The following LY86 variants were observed in gnomAD, a reference collection of about 807,000 sequenced individuals.
LY86 encodes the protein lymphocyte antigen 86.
LY86 carries 20 observed loss-of-function variants against 17.3 expected under a neutral mutation model. That is an observed-to-expected ratio of 1.15 (90% CI 0.81 to 1.68). The LOEUF (loss-of-function observed/expected upper bound fraction) is 1.68, where lower values mean the gene tolerates loss of function less well. Ranked by LOEUF, LY86 falls within the 40% of genes most tolerant of loss-of-function variation. The pLI is 0.00. For synonymous variants in LY86, 74 were observed against 70.6 expected (o/e 1.05, Z -0.24); for missense variants, 200 against 191.9 (o/e 1.04, Z -0.25).
At chr6:6,593,350 C>T (rs1490507104) in intron 1 of LY86, among the ~76,000 whole-genome samples, 1 of 152,222 alleles carries the variant, frequency 6.6e-6, no homozygotes, top group Non-Finnish European at 1.5e-5. Flanking sequence ...CTGTAAGGAC[C>T]CTTGTGATTA....
intron 1 of LY86, among the ~76,000 whole-genome samples, chr6:6,599,989 A>G (rs1760848047): frequency 6.6e-6 from 1 of 152,090 alleles, no homozygotes; most frequent in African/African-American, 2.4e-5. Flanking sequence ...AGCACAAAGG[A>G]TCCTCTCACT....
chr6:6,606,556 G>A (rs575768364), intron 1 of LY86, among the ~76,000 whole-genome samples: 49 of 152,286 alleles, frequency 3.2e-4, no homozygotes, highest in African/African-American at 8.9e-4. Context: ...GGGCGGCACA[G>A]GAGCCCACGG....
intron 1 of LY86, among the ~76,000 whole-genome samples, chr6:6,623,089 G>T (rs1398522885): frequency 6.6e-6 from 1 of 152,192 alleles, no homozygotes; most frequent in Non-Finnish European, 1.5e-5. Context: ...GCAGGTCTGG[G>T]TGCTGTCAGG....
At chr6:6,600,031 C>T (rs1255597573) in intron 1 of LY86, among the ~76,000 whole-genome samples, 3 of 152,204 alleles carry the variant, frequency 2.0e-5, no homozygotes, top group Non-Finnish European at 2.9e-5. Context: ...AATTTCCCCA[C>T]GTCCTGTTTT....
intron 3 of LY86, among the ~76,000 whole-genome samples, chr6:6,647,352 T>C (rs1045559636): frequency 1.3e-5 from 2 of 152,246 alleles, no homozygotes; most frequent in African/African-American, 4.8e-5. Flanking sequence ...ATCTCCCATC[T>C]CGAACAAAGA....
At chr6:6,618,015 G>A (rs1761593757) in intron 1 of LY86, among the ~76,000 whole-genome samples, 1 of 152,046 alleles carries the variant, frequency 6.6e-6, no homozygotes, top group South Asian at 2.1e-4. Flanking sequence ...TAATTTTTGT[G>A]TTTTTAATAG....
At chr6:6,607,612 A>T (rs1221755836) in intron 1 of LY86, among the ~76,000 whole-genome samples, 1 of 152,206 alleles carries the variant, frequency 6.6e-6, no homozygotes, top group African/African-American at 2.4e-5. Flanking sequence ...AAAATATCAG[A>T]GGCTTGGCTG....
chr6:6,639,391 C>T (rs544654894), intron 3 of LY86, among the ~76,000 whole-genome samples: 14 of 152,276 alleles, frequency 9.2e-5, no homozygotes, highest in Admixed American at 3.9e-4. Context: ...AATCCAAGGC[C>T]GCTGTATTAG....
intron 1 of LY86, among the ~76,000 whole-genome samples, chr6:6,597,569 T>TA (rs1760753431): frequency 6.6e-6 from 1 of 152,214 alleles, no homozygotes; most frequent in South Asian, 2.1e-4. Context: ...ACTGGGGTTC[T>TA]AGAGACACCA....
intron 3 of LY86, among the ~76,000 whole-genome samples, chr6:6,645,343 G>A (rs1019543339): frequency 2.0e-5 from 3 of 152,032 alleles, no homozygotes; most frequent in Non-Finnish European, 4.4e-5. Context: ...ACCCTTCCTG[G>A]GGACCACATT....
chr6:6,614,817 C>T (rs572564526), intron 1 of LY86, among the ~76,000 whole-genome samples: 7 of 151,712 alleles, frequency 4.6e-5, no homozygotes, highest in African/African-American at 1.7e-4. Context: ...TGAAAGAATT[C>T]TTGAGAGTCG....
intron 3 of LY86, among the ~76,000 whole-genome samples, chr6:6,640,323 C>T (rs970260703): frequency 1.3e-5 from 2 of 151,014 alleles, no homozygotes; most frequent in Non-Finnish European, 1.5e-5. Flanking sequence ...TTTGGGAGGC[C>T]GAGGGGCACA....
intron 1 of LY86, among the ~76,000 whole-genome samples, chr6:6,592,834 G>A (rs372589534): frequency 6.6e-6 from 1 of 152,194 alleles, no homozygotes; most frequent in South Asian, 2.1e-4. Context: ...AGAAATCAAT[G>A]TTGGCTGTTT....
chr6:6,597,100 C>T (rs1357421225), intron 1 of LY86, among the ~76,000 whole-genome samples: 2 of 152,210 alleles, frequency 1.3e-5, no homozygotes, highest in Non-Finnish European at 1.5e-5. Flanking sequence ...GTAGAAACTA[C>T]AGCATAGGCA....
chr6:6,612,450 G>GT (rs1427068082), intron 1 of LY86, among the ~76,000 whole-genome samples: 1 of 152,172 alleles, frequency 6.6e-6, no homozygotes. Flanking sequence ...TTCATGGGGA[G>GT]TGTTACACTT....
intron 1 of LY86, among the ~76,000 whole-genome samples, chr6:6,606,144 A>AT (rs937842186): frequency 6.6e-4 from 100 of 152,272 alleles, no homozygotes; most frequent in African/African-American, 2.4e-3. Flanking sequence ...CGAGTGGTCC[A>AT]TTTTGACAGG....
At chr6:6,646,575 C>T (rs371529501) in intron 3 of LY86, among the ~76,000 whole-genome samples, 8 of 152,198 alleles carry the variant, frequency 5.3e-5, no homozygotes, top group African/African-American at 1.9e-4. Flanking sequence ...AATCTAAATG[C>T]CAAGCCCTCT....
intron 3 of LY86, among the ~76,000 whole-genome samples, chr6:6,636,892 CAAAA>C (rs3842507): frequency 1.3e-4 from 17 of 131,412 alleles, no homozygotes; most frequent in Admixed American, 1.5e-4. Flanking sequence ...CCTCGAACTG[CAAAA>C]AAAAAAAAAA....
intron 3 of LY86, among the ~76,000 whole-genome samples, chr6:6,639,003 A>G (rs1269063783): frequency 6.6e-6 from 1 of 152,092 alleles, no homozygotes; most frequent in African/African-American, 2.4e-5. Context: ...ACTATTCACA[A>G]TAGCAAAGAC....
Sources: gnomAD v4.1 joint callset for allele counts (sites outside exome capture counted in the v4.1 genomes callset) on GRCh38, gnomAD v4.1.1 for gene constraint, MANE v1.5 for transcripts, NCBI Gene and HGNC (gene_info 2026-07-23, HGNC 2026-07-21) for gene names.